DIAPH3: variants seen among roughly 807,000 people sequenced by gnomAD.
DIAPH3 encodes the protein diaphanous related formin 3, also known as protein diaphanous homolog 3.
Under a neutral mutation model 144.3 loss-of-function variants are expected in DIAPH3, and 117 were observed. The ratio of observed to expected loss-of-function variants is 0.81; its 90% CI spans 0.70 to 0.95. The LOEUF is 0.95. Among genes scored for constraint, DIAPH3 ranks in the 40% least tolerant of loss-of-function variants. The probability of loss-of-function intolerance (pLI) is 0.00; values close to 1 mark genes in which losing one functional copy is unlikely to be tolerated. For missense variants in DIAPH3, 1,421 were observed against 1,412.7 expected (o/e 1.01, Z -0.09); for synonymous variants, 519 against 488.9 (o/e 1.06, Z -0.81).
At chr13:59,928,247 T>C (rs1408135558) in intron 17 of DIAPH3, among the ~76,000 whole-genome samples, 1 of 152,140 alleles carries the variant, frequency 6.6e-6, no homozygotes, top group African/African-American at 2.4e-5. Flanking sequence ...TTTTTTTATA[T>C]CTATCTCTTT....
chr13:59,762,052 CTTTT>C lies in DIAPH3; in HGVS notation c.3319+12133_3319+12136del, dbSNP rs35387511. Among the ~76,000 whole-genome samples the C allele has an allele frequency of 7.8e-3, 462 of 59,510 alleles. 3 individuals are homozygous for C. The highest frequency in any genetic ancestry group is 0.015 in the African/African-American group (212 of 14,238). 39.0% of individuals were successfully genotyped at this position (59,510 alleles called of 152,430 possible). On this transcript the variant is annotated intron_variant, in intron 27 of 27. Coordinates refer to ENST00000400324, the MANE Select transcript of DIAPH3 (RefSeq NM_001042517.2). ...GCACCCAAGATGAAAGCGTCAGCAT[CTTTT>C]TTTTTTTTTTTTTTTTTTTTTTTTA...
At chr13:59,791,712 G>C (rs1177642769) in intron 25 of DIAPH3, among the ~76,000 whole-genome samples, 1 of 152,170 alleles carries the variant, frequency 6.6e-6, no homozygotes, top group Admixed American at 6.5e-5. Flanking sequence ...TTCAGAGCAG[G>C]AAACAGGAGC....
Position 59,939,641 on chromosome 13 carries a change from A to G in DIAPH3, c.2075-14771T>C, listed in dbSNP as rs182057879. Among the ~76,000 whole-genome samples, 293 of 152,250 alleles carry G rather than the reference A, an allele frequency of 1.9e-3. 2 individuals carry two copies. Among genetic ancestry groups the G allele is most frequent in the African/African-American group, 6.7e-3 (277 of 41,544 alleles). ...TATGCTTAAAAGCCTCAAACCATTTACCCAGGACCAGAGACCAGGGAGATG... is the reference window on the plus strand; with the variant it reads ...TATGCTTAAAAGCCTCAAACCATTTGCCCAGGACCAGAGACCAGGGAGATG... On this transcript the variant is annotated intron_variant, in intron 17 of 27. Transcript: ENST00000400324.
chr13:60,022,492 T>C (rs1048143170), intron 5 of DIAPH3, among the ~76,000 whole-genome samples: 2 of 152,182 alleles, frequency 1.3e-5, no homozygotes, highest in Admixed American at 6.5e-5. Context: ...TATCTTGTAG[T>C]TCTGGAAGCA....
At chr13:59,713,659 T>A (rs1484374408) in intron 27 of DIAPH3, among the ~76,000 whole-genome samples, 1 of 151,874 alleles carries the variant, frequency 6.6e-6, no homozygotes, top group African/African-American at 2.4e-5. Flanking sequence ...GGTAAGAAGC[T>A]TTTTTGATGG....
At chr13:59,863,560 T>C (rs906435206) in intron 21 of DIAPH3, among the ~76,000 whole-genome samples, 1 of 152,166 alleles carries the variant, frequency 6.6e-6, no homozygotes, top group Admixed American at 6.6e-5. Flanking sequence ...TGACTACTTA[T>C]TGATTCAAAA....
intron 2 of DIAPH3, among the ~76,000 whole-genome samples, chr13:60,112,785 T>C (rs953690907): frequency 2.0e-5 from 3 of 152,216 alleles, no homozygotes; most frequent in Non-Finnish European, 4.4e-5. Flanking sequence ...GAAATAAACC[T>C]AGATTTTTGT....
intron 18 of DIAPH3, among the ~76,000 whole-genome samples, chr13:59,917,581 T>C (rs2047282388): frequency 6.6e-6 from 1 of 151,936 alleles, no homozygotes; most frequent in South Asian, 2.1e-4. Context: ...ATGAAATATG[T>C]AAATGGTATA....
At chr13:59,666,952 T>A (rs2032054227) in intron 27 of DIAPH3, 106 bp from the exon 28 acceptor site, 11 of 1,314,368 alleles carry the variant, frequency 8.4e-6, no homozygotes, top group Non-Finnish European at 1.2e-5. Flanking sequence ...ATAAGTAGTC[T>A]TCTTAGATAG....
chr13:59,911,664 G>A (rs531595085), intron 20 of DIAPH3, 71 bp downstream of exon 20: 70 of 1,108,086 alleles, frequency 6.3e-5, no homozygotes, highest in African/African-American at 1.8e-4. Flanking sequence ...TACATTTAGC[G>A]ATATAAAAAC....
intron 2 of DIAPH3, among the ~76,000 whole-genome samples, chr13:60,129,440 C>A (rs1244684002): frequency 6.6e-6 from 1 of 152,132 alleles, no homozygotes. Context: ...ATATAGCAAT[C>A]CTTTATTCCT....
intron 7 of DIAPH3, among the ~76,000 whole-genome samples, chr13:60,014,626 C>T (rs569230665): frequency 6.6e-6 from 1 of 152,108 alleles, no homozygotes; most frequent in South Asian, 2.1e-4. Flanking sequence ...CGTACTAGTA[C>T]TTAAGTGTGT....
chr13:60,005,501 CAG>C (rs1306595366), intron 9 of DIAPH3, among the ~76,000 whole-genome samples: 3 of 151,906 alleles, frequency 2.0e-5, no homozygotes, highest in Non-Finnish European at 2.9e-5. Context: ...TTTTTTGAGA[CAG>C]AGAGTCTTGC....
chr13:59,713,107 C>G (rs1231723386), intron 27 of DIAPH3, among the ~76,000 whole-genome samples: 5 of 152,188 alleles, frequency 3.3e-5, no homozygotes, highest in African/African-American at 9.7e-5. Context: ...TCCTAACATG[C>G]TGCTAACCAG....
chr13:59,893,815 TAA>T (rs1387823790), intron 20 of DIAPH3, among the ~76,000 whole-genome samples: 1 of 152,126 alleles, frequency 6.6e-6, no homozygotes, highest in African/African-American at 2.4e-5. Context: ...TTCCTTGCCT[TAA>T]GTTTAATCTA....
At chr13:60,154,278 T>C (rs1376145632) in intron 1 of DIAPH3, among the ~76,000 whole-genome samples, 1 of 152,144 alleles carries the variant, frequency 6.6e-6, no homozygotes, top group Non-Finnish European at 1.5e-5. Context: ...AGCCAGGTAT[T>C]CTAGGCCCAA....
chr13:59,697,459 CAAAAAAAAAAAAAAAAAAAAAAA>C (rs58372882), intron 27 of DIAPH3, among the ~76,000 whole-genome samples: 1 of 31,164 alleles, frequency 3.2e-5, no homozygotes, highest in Non-Finnish European at 5.7e-5. Context: ...GACACTGTCT[CAAAAAAAAAAAAAAAAAAAAAAA>C]AAAAAAAAAA....
chr13:60,152,108 A>G (rs938915860), intron 1 of DIAPH3, among the ~76,000 whole-genome samples: 2 of 152,208 alleles, frequency 1.3e-5, no homozygotes, highest in Admixed American at 1.3e-4. Context: ...TGCAGCAATT[A>G]CGGGATAAAC....
chr13:60,000,591 T>C (rs1411239701), intron 9 of DIAPH3, among the ~76,000 whole-genome samples: 1 of 152,126 alleles, frequency 6.6e-6, no homozygotes, highest in East Asian at 1.9e-4. Flanking sequence ...AAATCAGATA[T>C]TTAGAACCCT....
Sources: gnomAD v4.1 joint callset for allele counts (sites outside exome capture counted in the v4.1 genomes callset) on GRCh38, gnomAD v4.1.1 for gene constraint, MANE v1.5 for transcripts, NCBI Gene and HGNC (gene_info 2026-07-23, HGNC 2026-07-21) for gene names.